The following CHRDL1 variants were observed in gnomAD, a reference collection of about 807,000 sequenced individuals.
The protein encoded by CHRDL1 is chordin like 1.
CHRDL1 carries 19 observed loss-of-function variants against 40.9 expected under a neutral mutation model. That is an observed-to-expected ratio of 0.46 (90% CI 0.32 to 0.68). CHRDL1 has a LOEUF of 0.68. Ranked by LOEUF, CHRDL1 falls within the 30% of genes least tolerant of loss-of-function variation. CHRDL1 has a pLI of 0.03. For synonymous variants in CHRDL1, 136 were observed against 123.4 expected, an observed-to-expected ratio of 1.10 and a Z score of -0.68; for missense variants, 329 against 352.1, an observed-to-expected ratio of 0.93 and a Z score of 0.53.
intron 4 of CHRDL1, among the ~76,000 whole-genome samples, chrX:110,742,711 G>A (rs1257034295): frequency 1.8e-5 from 2 of 111,623 alleles, no homozygotes; most frequent in African/African-American, 6.5e-5. Context: ...AGCACAGTCC[G>A]GGAGGCAAGG....
At chrX:110,707,280 A>G (rs927121017) in intron 6 of CHRDL1, among the ~76,000 whole-genome samples, 21 of 112,095 alleles carry the variant, frequency 1.9e-4, no homozygotes, top group African/African-American at 6.5e-4. Context: ...GCACAAAATT[A>G]GAAAAAACTA....
chrX:110,679,203 T>A, intron 11 of CHRDL1, 133 bp downstream of exon 11: 1 of 499,005 alleles, frequency 2.0e-6, no homozygotes, highest in Non-Finnish European at 3.6e-6. Flanking sequence ...AGAAGAGAGA[T>A]GGAACATCCT....
intron 6 of CHRDL1, among the ~76,000 whole-genome samples, chrX:110,705,148 A>C (rs1354634904): frequency 9.2e-6 from 1 of 108,115 alleles, no homozygotes; most frequent in East Asian, 2.9e-4. Flanking sequence ...GCAAGTCACT[A>C]TCAGGCATAG....
chrX:110,747,179 C>T (rs1417367457), intron 4 of CHRDL1, among the ~76,000 whole-genome samples: 3 of 110,684 alleles, frequency 2.7e-5, no homozygotes, highest in Non-Finnish European at 5.7e-5. Flanking sequence ...CCAAACATGC[C>T]CTCTGGCCCT....
intron 2 of CHRDL1, among the ~76,000 whole-genome samples, chrX:110,787,328 G>A (rs938648138): frequency 3.9e-4 from 43 of 111,594 alleles, no homozygotes; most frequent in Admixed American, 1.7e-3. Context: ...ACATAAGTAA[G>A]TCAAGGAGCT....
At chrX:110,745,385 C>T (rs989315441) in intron 4 of CHRDL1, among the ~76,000 whole-genome samples, 2 of 111,751 alleles carry the variant, frequency 1.8e-5, no homozygotes, top group African/African-American at 6.5e-5. Flanking sequence ...AATGTCTACC[C>T]ACAGGATGTA....
intron 4 of CHRDL1, among the ~76,000 whole-genome samples, chrX:110,724,068 G>C (rs190373778): frequency 9.1e-6 from 1 of 109,818 alleles, no homozygotes; most frequent in East Asian, 2.8e-4. Flanking sequence ...AGGCCCATTT[G>C]CCCCCTGGGC....
intron 2 of CHRDL1, among the ~76,000 whole-genome samples, chrX:110,769,821 A>T (rs2089724500): frequency 8.9e-6 from 1 of 112,092 alleles, no homozygotes; most frequent in Non-Finnish European, 1.9e-5. Flanking sequence ...CTCCCACGAC[A>T]TGTGGTAATT....
chrX:110,680,473 G>A (rs139904161), intron 10 of CHRDL1, among the ~76,000 whole-genome samples: 1 of 111,693 alleles, frequency 9.0e-6, no homozygotes, highest in African/African-American at 3.3e-5. Flanking sequence ...CATAAATACT[G>A]AGCAGTCTTT....
intron 6 of CHRDL1, among the ~76,000 whole-genome samples, chrX:110,714,823 C>T (rs1341538409): frequency 8.9e-6 from 1 of 111,760 alleles, no homozygotes; most frequent in African/African-American, 3.3e-5. Context: ...ATTTGGCCTG[C>T]AGTCAGGGTG....
At chrX:110,714,045 TA>T (rs747592596) in intron 6 of CHRDL1, among the ~76,000 whole-genome samples, 1,138 of 101,393 alleles carry the variant, frequency 0.011, 15 homozygotes, top group African/African-American at 0.033. Context: ...TGAAGAGATT[TA>T]AAAAAAAAAA....
chrX:110,774,660 A>C (rs2089819445), intron 2 of CHRDL1, among the ~76,000 whole-genome samples: 1 of 111,942 alleles, frequency 8.9e-6, no homozygotes, highest in African/African-American at 3.2e-5. Context: ...AGATTATAGC[A>C]GATCAATTGA....
chrX:110,689,506 A>ATATC lies in CHRDL1; in HGVS notation c.779-704_779-703insGATA, dbSNP rs1569461652. Among the ~76,000 whole-genome samples, 113 of 46,461 alleles carry ATATC rather than the reference A, an allele frequency of 2.4e-3. 4 individuals are homozygous for ATATC. Among genetic ancestry groups the ATATC allele is most frequent in the African/African-American group, 0.015 (61 of 3,972 alleles). 40.3% of individuals were successfully genotyped at this position (46,461 alleles called of 115,157 possible). A position where few individuals can be genotyped will look rare whatever the true frequency, so the allele number is the denominator to read the frequency against. On this transcript the variant is annotated intron_variant, in intron 8 of 11. Transcript: ENST00000372042. ...TATCTATATCTCTATATATCTATAT[A>ATATC]TCTATATCTCTATATATCTATCTAT...
Position 110,676,122 on chromosome X carries a change from C to A in CHRDL1, c.*109G>T. The A allele has an allele frequency of 1.3e-6, 1 of 790,991 alleles. No homozygotes were observed. Among genetic ancestry groups the A allele is most frequent in the South Asian group, 2.6e-5 (1 of 38,272 alleles). The allele number at this position is 790,991 out of a possible 1,213,427, so 65.2% of individuals were successfully genotyped here. On this transcript the variant is annotated 3_prime_UTR_variant, in exon 12 of 12. Coordinates refer to ENST00000372042, the MANE Select transcript of CHRDL1 (RefSeq NM_001143981.2). ...TGTGCATGGCGTGAATAATTGACTG[C>A]ATTTGAGTTTGGAGTTTTAGGGCAC...
intron 11 of CHRDL1, 35 bp from the exon 12 acceptor site, chrX:110,676,396 G>A (rs1347921021): frequency 8.3e-7 from 1 of 1,198,823 alleles, no homozygotes; most frequent in Admixed American, 2.2e-5. Context: ...GGCCGGGAGT[G>A]TGTAAGAGGA....
intron 6 of CHRDL1, among the ~76,000 whole-genome samples, chrX:110,702,554 C>A (rs375032662): frequency 9.0e-6 from 1 of 111,504 alleles, no homozygotes; most frequent in Non-Finnish European, 1.9e-5. Context: ...GGTTACCTGG[C>A]TCCCAAATAG....
At chrX:110,763,032 G>T in intron 2 of CHRDL1, among the ~76,000 whole-genome samples, 1 of 111,867 alleles carries the variant, frequency 8.9e-6, no homozygotes, top group Admixed American at 9.5e-5. Flanking sequence ...TCATTTTATA[G>T]ATAAGGAAAA....
In CHRDL1 at chrX:110,737,166, C is replaced by G. The variant is rs2071278393; in HGVS notation, c.302-15636G>C. ...AGAAGGTCCAAAAAATATAAGGTAG[C>G]TAATCAAAAGGAAGTACTTGACTAG... is the stretch of plus-strand genomic sequence containing the variant. On this transcript the variant is annotated intron_variant, in intron 4 of 11. Transcript: ENST00000372042. 2.7e-5 allele frequency among the ~76,000 whole-genome samples: 3 copies of G among 112,051 alleles called. No homozygotes were observed. In the South Asian group the frequency reaches 1.1e-3, roughly 42 times the overall value.
At chrX:110,768,111 G>A (rs1926725422) in intron 2 of CHRDL1, among the ~76,000 whole-genome samples, 1 of 111,988 alleles carries the variant, frequency 8.9e-6, no homozygotes, top group Non-Finnish European at 1.9e-5. Context: ...GCTAATGTCT[G>A]AAATGTGGAT....
Sources: gnomAD v4.1 joint callset for allele counts (sites outside exome capture counted in the v4.1 genomes callset) on GRCh38, gnomAD v4.1.1 for gene constraint, MANE v1.5 for transcripts, NCBI Gene and HGNC (gene_info 2026-07-23, HGNC 2026-07-21) for gene names.